The following NHSL1 variants were observed in gnomAD, a reference collection of about 807,000 sequenced individuals.
The protein encoded by NHSL1 is NHS like 1.
A neutral mutation model predicts 95.0 loss-of-function variants in NHSL1; 48 were observed. The ratio of observed to expected loss-of-function variants is 0.51; its 90% CI spans 0.40 to 0.64. The LOEUF is 0.64. Among genes scored for constraint, NHSL1 ranks in the 30% least tolerant of loss-of-function variants. The probability of loss-of-function intolerance (pLI) is 0.00; values close to 1 mark genes in which losing one functional copy is unlikely to be tolerated. For missense variants in NHSL1, 1,971 were observed against 2,077.7 expected (o/e 0.95, Z 1.00); for synonymous variants, 783 against 833.9 (o/e 0.94, Z 1.05).
At chr6:138,678,385 T>C (rs556258214) in intron 1 of NHSL1, among the ~76,000 whole-genome samples, 2 of 152,312 alleles carry the variant, frequency 1.3e-5, no homozygotes, top group South Asian at 2.1e-4. Flanking sequence ...AGAGAAACTT[T>C]CTGAATTCTC....
intron 1 of NHSL1, among the ~76,000 whole-genome samples, chr6:138,660,837 T>C (rs1260549788): frequency 6.6e-6 from 1 of 151,528 alleles, no homozygotes; most frequent in Non-Finnish European, 1.5e-5. Flanking sequence ...CTCATGCCTG[T>C]AATCCCAGCA....
chr6:138,565,477 G>A (rs1269314770), intron 1 of NHSL1, among the ~76,000 whole-genome samples: 1 of 152,148 alleles, frequency 6.6e-6, no homozygotes, highest in Admixed American at 6.5e-5. Context: ...GGGAACAAGA[G>A]TGGAGAAAGC....
intron 5 of NHSL1, among the ~76,000 whole-genome samples, chr6:138,439,137 A>G (rs897086542): frequency 6.6e-6 from 1 of 152,220 alleles, no homozygotes; most frequent in Non-Finnish European, 1.5e-5. Flanking sequence ...TTGAAATAAA[A>G]ACTGCATATA....
intron 1 of NHSL1, among the ~76,000 whole-genome samples, chr6:138,510,660 T>G (rs1009123519): frequency 6.6e-6 from 1 of 152,186 alleles, no homozygotes; most frequent in Non-Finnish European, 1.5e-5. Context: ...GTACAGAACT[T>G]CCATTAATGT....
intron 3 of NHSL1, among the ~76,000 whole-genome samples, chr6:138,465,013 C>T (rs1265916061): frequency 6.8e-6 from 1 of 147,318 alleles, no homozygotes; most frequent in Non-Finnish European, 1.5e-5. Context: ...TTGCCTGGCT[C>T]TCTTCACTGT....
chr6:138,593,606 C>T (rs1204601557), intron 1 of NHSL1, among the ~76,000 whole-genome samples: 2 of 152,206 alleles, frequency 1.3e-5, no homozygotes, highest in East Asian at 3.9e-4. Flanking sequence ...ACAACAAACT[C>T]ACTTTCATTA....
At chr6:138,669,544 T>A (rs1157568209) in intron 1 of NHSL1, among the ~76,000 whole-genome samples, 1 of 152,128 alleles carries the variant, frequency 6.6e-6, no homozygotes, top group Non-Finnish European at 1.5e-5. Flanking sequence ...TAACCCTACA[T>A]CTCCTGACCA....
intron 1 of NHSL1, among the ~76,000 whole-genome samples, chr6:138,654,027 G>A (rs1785125658): frequency 6.6e-6 from 1 of 152,164 alleles, no homozygotes; most frequent in Admixed American, 6.5e-5. Context: ...TGCCAATGAG[G>A]ATCAGTGTGA....
intron 2 of NHSL1, among the ~76,000 whole-genome samples, chr6:138,484,547 A>G (rs1391948821): frequency 1.3e-5 from 2 of 152,224 alleles, no homozygotes; most frequent in African/African-American, 4.8e-5. Context: ...CAAACTGGAA[A>G]TGAATTTGTT....
At chr6:138,466,777 A>G (rs1583234808) in intron 3 of NHSL1, among the ~76,000 whole-genome samples, 3 of 151,968 alleles carry the variant, frequency 2.0e-5, no homozygotes, top group African/African-American at 7.2e-5. Context: ...AGTCATATAA[A>G]AATATGACAC....
chr6:138,625,726 C>A (rs1326737902), intron 1 of NHSL1, among the ~76,000 whole-genome samples: 1 of 151,916 alleles, frequency 6.6e-6, no homozygotes, highest in Non-Finnish European at 1.5e-5. Flanking sequence ...TCACTGCCGC[C>A]TAAAACTCCG....
intron 2 of NHSL1, 115 bp downstream of exon 2, chr6:138,496,104 C>T (rs1160528742): frequency 8.0e-6 from 9 of 1,127,188 alleles, no homozygotes; most frequent in Middle Eastern, 5.5e-4. Flanking sequence ...CGTATAAAGA[C>T]GTAGCATACT....
chr6:138,545,748 G>T (rs1414037912), upstream of NHSL1: 45 of 1,229,166 alleles, frequency 3.7e-5, no homozygotes, highest in Non-Finnish European at 4.6e-5. Context: ...CAGAGAGCGG[G>T]GCGGCCAGCC....
rs551861212 is a variant in NHSL1 at position 138,490,320 on chromosome 6, T to G, written c.211+5899A>C. Among the ~76,000 whole-genome samples, 11 of 152,220 alleles carry G rather than the reference T, an allele frequency of 7.2e-5. 1 individual carries two copies. In the South Asian group the frequency reaches 2.3e-3, roughly 32 times the overall value. Reference sequence around the variant, plus strand: ...AGGCCATTCCTACAAAGGCACCTCCTACACAGTTCTGGGAAAGTGCCACAG... The same window carrying G: ...AGGCCATTCCTACAAAGGCACCTCCGACACAGTTCTGGGAAAGTGCCACAG... On this transcript the variant is annotated intron_variant, in intron 2 of 7. Coordinates refer to ENST00000343505, the MANE Select transcript of NHSL1 (RefSeq NM_001144060.2).
intron 1 of NHSL1, among the ~76,000 whole-genome samples, chr6:138,672,648 G>A (rs6919445): frequency 0.81 from 123,709 of 152,184 alleles, 51,247 homozygotes; most frequent in East Asian, 1. Context: ...TGAAACAGAC[G>A]TTCACCATAT....
intron 1 of NHSL1, among the ~76,000 whole-genome samples, chr6:138,613,211 A>G (rs1784537133): frequency 6.6e-6 from 1 of 152,234 alleles, no homozygotes; most frequent in Non-Finnish European, 1.5e-5. Flanking sequence ...CCTATAACAA[A>G]GCCCAAGCCA....
chr6:138,463,649 C>A (rs570200724), intron 3 of NHSL1, among the ~76,000 whole-genome samples: 6 of 151,928 alleles, frequency 3.9e-5, no homozygotes, highest in African/African-American at 1.4e-4. Context: ...AGGTTTTAAG[C>A]CCCACATGCA....
At chr6:138,679,707 T>C (rs1028605318) in intron 1 of NHSL1, among the ~76,000 whole-genome samples, 1 of 152,152 alleles carries the variant, frequency 6.6e-6, no homozygotes, top group Non-Finnish European at 1.5e-5. Context: ...TCAAAAGGGC[T>C]TTACTTGGGA....
chr6:138,451,401 A>G (rs1562283766), intron 3 of NHSL1, among the ~76,000 whole-genome samples: 1 of 151,956 alleles, frequency 6.6e-6, no homozygotes, highest in East Asian at 1.9e-4. Flanking sequence ...CCTCTTTCTA[A>G]TATTTTGTAT....
Sources: allele counts gnomAD v4.1 joint callset (sites outside exome capture counted in the v4.1 genomes callset), GRCh38; gene constraint gnomAD v4.1.1; transcripts MANE v1.5; gene names NCBI Gene and HGNC (gene_info 2026-07-23, HGNC 2026-07-21).